Variants in PCDHGA2 observed in about 807,000 individuals in gnomAD.
PCDHGA2 encodes protocadherin gamma subfamily A, 2, also known as protocadherin gamma-A2.
PCDHGA2 carries 40 observed loss-of-function variants against 59.2 expected under a neutral mutation model. The observed-to-expected ratio is 0.68, with a 90% confidence interval of 0.52 to 0.88. The LOEUF (loss-of-function observed/expected upper bound fraction) is 0.88, where lower values mean the gene tolerates loss of function less well. PCDHGA2 is among the 40% of genes least tolerant of loss of function. The pLI is 0.00. For missense variants in PCDHGA2, 1,226 were observed against 1,204.0 expected (o/e 1.02, Z -0.27); for synonymous variants, 560 against 526.0 (o/e 1.06, Z -0.89).
intron 1 of PCDHGA2, among the ~76,000 whole-genome samples, chr5:141,348,309 T>C (rs1758095345): frequency 6.6e-6 from 1 of 152,074 alleles, no homozygotes; most frequent in Non-Finnish European, 1.5e-5. Flanking sequence ...AACATGGAAA[T>C]ACATCACAGA....
chr5:141,432,286 C>T lies in PCDHGA2; in HGVS notation c.2425-62521C>T. ...TATCGTCCTACGTGTCCATCAACTCCGACACTGGGGTACTGTATGCGCTGA... is the reference window on the plus strand; with the variant it reads ...TATCGTCCTACGTGTCCATCAACTCTGACACTGGGGTACTGTATGCGCTGA... On this transcript the variant is annotated intron_variant, in intron 1 of 3. Transcript: ENST00000394576. This position sits in a 1 kb window ranked among gnomAD's most constrained non-coding sequence, Gnocchi z 6.0. 3 of 1,614,252 alleles carry T rather than the reference C, an allele frequency of 1.9e-6. No homozygotes were observed. Among genetic ancestry groups the T allele is most frequent in the Non-Finnish European group, 2.5e-6 (3 of 1,180,048 alleles).
At position 141,340,003 on chromosome 5, in the gene PCDHGA2, C is replaced by T; in HGVS notation, c.1032C>T (p.Ala344=). The T allele has an allele frequency of 6.2e-7, 1 of 1,614,046 alleles. No homozygotes were observed. The highest frequency in any genetic ancestry group is 1.3e-5 in the African/African-American group (1 of 74,976). The stretch of plus-strand genomic sequence containing the variant: ...CGGTTCTGGATGTGAATGACAATGC[C>T]CCAGAATTTTACATGACATCTGCTA... ...IVTVLDVNDN[A]PEFYMTSATS... is the part of the protein sequence containing the mutation. Residue 344 remains alanine (A), a synonymous_variant, in exon 1 of 4, where the codon GCC becomes GCT. Transcript: ENST00000394576.
chr5:141,419,523 G>T (rs553587727), intron 1 of PCDHGA2: 21 of 1,612,086 alleles, frequency 1.3e-5, no homozygotes, highest in East Asian at 2.2e-5. Flanking sequence ...GTGGGCGACC[G>T]TAACGACAAC....
rs146857860 is a variant in PCDHGA2, at chr5:141,339,500, C to G, written c.529C>G (p.His177Asp). The G allele has an allele frequency of 2.5e-6, 4 of 1,614,134 alleles. No individual in the cohort carries two copies. Among genetic ancestry groups the G allele is most frequent in the Admixed American group, 1.7e-5 (1 of 60,014 alleles). The change falls in exon 1 of 4, where the codon CAC becomes GAC. Residue 177 changes from histidine (H) to aspartate (D), a missense_variant. His to Asp is a moderately conservative substitution (Grantham distance 81). Coordinates refer to ENST00000394576, the MANE Select transcript of PCDHGA2 (RefSeq NM_018915.4). ...GAAGTACGCACTCAACCCAAATGAC[C>G]ACTTCTCCCTGGACGTGCGAAGGGG... ...LQKYALNPND[H>D]FSLDVRRGAD...
chr5:141,499,408 G>C (rs1178843162), intron 2 of PCDHGA2, among the ~76,000 whole-genome samples: 1 of 151,896 alleles, frequency 6.6e-6, no homozygotes, highest in Non-Finnish European at 1.5e-5. Context: ...GCTCATTATA[G>C]AAACATGAAA....
rs754711722 is a variant in PCDHGA2, at chr5:141,371,108, C to A, written c.2424+29713C>A. Reference sequence around the variant, plus strand: ...TAATTGTCGCAGATGCAAATGATAACCCCCCAGTATTTACTCAGGACATGT... The same window carrying A: ...TAATTGTCGCAGATGCAAATGATAAACCCCCAGTATTTACTCAGGACATGT... On this transcript the variant is annotated intron_variant, in intron 1 of 3. Coordinates refer to ENST00000394576, the MANE Select transcript of PCDHGA2 (RefSeq NM_018915.4). 12 of 1,613,642 alleles carry A rather than the reference C, an allele frequency of 7.4e-6. No individual in the cohort carries two copies. In the African/African-American group the frequency reaches 1.5e-4, roughly 20 times the overall value.
In PCDHGA2 at chr5:141,345,037, T is replaced by C. The variant is rs199985204; in HGVS notation, c.2424+3642T>C. 1.4e-4 allele frequency: 220 copies of C among 1,613,844 alleles called. 1 individual carries two copies. Among genetic ancestry groups the C allele is most frequent in the Non-Finnish European group, 1.8e-4 (211 of 1,179,896 alleles). On this transcript the variant is annotated intron_variant, in intron 1 of 3. Transcript: ENST00000394576. ...CTTCTTTCAAGAGCCAAGATTCTAG[T>C]CACGGTTCTGGATGTGAATGACAAT...
At chr5:141,394,140 G>T (rs2092926485) in intron 1 of PCDHGA2, 1 of 1,613,868 alleles carries the variant, frequency 6.2e-7, no homozygotes, top group Non-Finnish European at 8.5e-7. Flanking sequence ...TCTGCACGTG[G>T]CAGACATTAA....
intron 1 of PCDHGA2, among the ~76,000 whole-genome samples, chr5:141,438,591 C>CATATATAT (rs946798767): frequency 3.4e-4 from 26 of 75,528 alleles, no homozygotes; most frequent in Non-Finnish European, 5.4e-4. Flanking sequence ...TACATACATA[C>CATATATAT]ATATATATAT....
At chr5:141,394,800 G>A in intron 1 of PCDHGA2, 1 of 1,613,850 alleles carries the variant, frequency 6.2e-7, no homozygotes, top group East Asian at 2.2e-5. Context: ...GCTCACCGTA[G>A]CCGTGGCTGA....
intron 1 of PCDHGA2, chr5:141,375,434 A>G (rs1423365367): frequency 1.9e-6 from 3 of 1,613,800 alleles, no homozygotes; most frequent in Non-Finnish European, 2.5e-6. Flanking sequence ...CAACCCGCCC[A>G]CCTTCCCCCA....
chr5:141,352,605 C>T (rs772049810), intron 1 of PCDHGA2: 1 of 1,613,500 alleles, frequency 6.2e-7, no homozygotes, highest in East Asian at 2.2e-5. Context: ...GATGATCCTT[C>T]TATGGTTGTA....
chr5:141,409,143 G>A (rs778597273), intron 1 of PCDHGA2: 1 of 1,613,868 alleles, frequency 6.2e-7, no homozygotes, highest in African/African-American at 1.3e-5. Flanking sequence ...GATGTAGAAA[G>A]GTACACCATG....
In PCDHGA2 at chr5:141,432,255, C is replaced by T. The variant is rs1561859576; in HGVS notation, c.2425-62552C>T. The T allele has an allele frequency of 6.2e-7, 1 of 1,614,246 alleles. No individual in the cohort carries two copies. The highest frequency in any genetic ancestry group is 8.5e-7 in the Non-Finnish European group (1 of 1,180,048). On this transcript the variant is annotated intron_variant, in intron 1 of 3. Transcript: ENST00000394576. This position sits in a 1 kb window ranked among gnomAD's most constrained non-coding sequence, Gnocchi z 6.0. The stretch of plus-strand genomic sequence containing the variant: ...CTGGCTGAGAACACCATCCAAGGGG[C>T]AAGCCTATCGTCCTACGTGTCCATC...
In PCDHGA2 at chr5:141,355,384, C is replaced by A. The variant is rs570057542; in HGVS notation, c.2424+13989C>A. The stretch of plus-strand genomic sequence containing the variant: ...GTTGGCGCCCCGGGAGCTGGCGGAG[C>A]GCGGAGTCCGCATCGTCTCCAGAGG... On this transcript the variant is annotated intron_variant, in intron 1 of 3. Transcript: ENST00000394576. 122 of 1,614,008 alleles carry A rather than the reference C, an allele frequency of 7.6e-5. 1 individual carries two copies. In the East Asian group the frequency reaches 2.7e-3, roughly 35 times the overall value.
chr5:141,364,502 G>A (rs781499695), intron 1 of PCDHGA2: 2 of 1,614,026 alleles, frequency 1.2e-6, no homozygotes, highest in Non-Finnish European at 1.7e-6. Flanking sequence ...GGAGCCCCAG[G>A]AGCTGGCGGA....
chr5:141,402,394 G>T (rs928311359), intron 1 of PCDHGA2, among the ~76,000 whole-genome samples: 5 of 151,852 alleles, frequency 3.3e-5, no homozygotes, highest in Non-Finnish European at 7.4e-5. Context: ...AATTACTTCA[G>T]AAAATTGTTA....
At chr5:141,435,446 G>C (rs889481920) in intron 1 of PCDHGA2, among the ~76,000 whole-genome samples, 5 of 152,060 alleles carry the variant, frequency 3.3e-5, no homozygotes, top group African/African-American at 2.4e-5. Context: ...TCATTAATAC[G>C]ATATCTGTAT....
chr5:141,343,303 G>T (rs1215498079), intron 1 of PCDHGA2: 81 of 972,074 alleles, frequency 8.3e-5, no homozygotes, highest in Non-Finnish European at 9.4e-5. Flanking sequence ...TATAAATATG[G>T]CTGATTTCTG....
Sources: gnomAD v4.1 joint callset for allele counts (sites outside exome capture counted in the v4.1 genomes callset) on GRCh38, gnomAD v4.1.1 for gene constraint, Gnocchi (gnomAD v3.1) non-coding constraint, MANE v1.5 for transcripts, NCBI Gene and HGNC (gene_info 2026-07-23, HGNC 2026-07-21) for gene names.